The following SLC35F3 variants were observed in gnomAD, a reference collection of about 807,000 sequenced individuals.
SLC35F3 encodes the protein solute carrier family 35 member F3, also known as putative thiamine transporter SLC35F3.
In SLC35F3, 25 loss-of-function variants were observed where a neutral mutation model predicts 49.9. That is an observed-to-expected ratio of 0.50 (90% CI 0.37 to 0.70). SLC35F3 has a LOEUF of 0.70. Among genes scored for constraint, SLC35F3 ranks in the 30% least tolerant of loss-of-function variants. SLC35F3 has a pLI of 0.00. For missense variants in SLC35F3, 525 were observed against 639.8 expected, an observed-to-expected ratio of 0.82 and a Z score of 1.94; for synonymous variants, 275 against 265.4, an observed-to-expected ratio of 1.04 and a Z score of -0.35.
chr1:234,219,107 A>G (rs963450246), intron 2 of SLC35F3, among the ~76,000 whole-genome samples: 3 of 150,314 alleles, frequency 2.0e-5, no homozygotes, highest in African/African-American at 7.4e-5. Context: ...AATATAACTC[A>G]GTGGTTGGGA....
chr1:234,319,699 CTG>C (rs1657570052), intron 6 of SLC35F3, among the ~76,000 whole-genome samples: 1 of 149,862 alleles, frequency 6.7e-6, no homozygotes, highest in Non-Finnish European at 1.5e-5. Flanking sequence ...TAGTGCAAGA[CTG>C]TGCCTCAAAA....
rs1386675157 is a variant in SLC35F3 at position 234,318,838 on chromosome 1, A to G, written c.1042A>G (p.Ile348Val). Residue 348 changes from isoleucine to valine, a missense_variant, in exon 6 of 8, where the codon ATC becomes GTC. By Grantham distance (29) the Ile-to-Val change is conservative. Transcript: ENST00000366618. ...CTTGGGTGTGTTTAACATCCTCTTC[A>G]TCACCTGCATTCCTATTATCCTCTA... ...SILGVFNILF[I>V]TCIPIILYFT... is the part of the protein sequence containing the mutation. 1.2e-6 allele frequency: 2 copies of G among 1,614,036 alleles called. No individual in the cohort carries two copies. The highest frequency in any genetic ancestry group is 1.7e-6 in the Non-Finnish European group (2 of 1,180,016).
chr1:234,207,570 AT>A (rs1384753169), intron 2 of SLC35F3, among the ~76,000 whole-genome samples: 1 of 150,968 alleles, frequency 6.6e-6, no homozygotes, highest in East Asian at 2.0e-4. Flanking sequence ...TATACCCCAA[AT>A]TTTAAAGGCT....
At position 233,969,303 on chromosome 1, in the gene SLC35F3, T is replaced by A. The variant is rs373950406; in HGVS notation, c.283+63545T>A. Among the ~76,000 whole-genome samples, 4 of 152,198 alleles carry A rather than the reference T, an allele frequency of 2.6e-5. No homozygotes were observed. In the East Asian group the frequency reaches 7.7e-4, roughly 29 times the overall value. On this transcript the variant is annotated intron_variant, in intron 2 of 7. Coordinates refer to ENST00000366618, the MANE Select transcript of SLC35F3 (RefSeq NM_173508.4). ...GATTTTCAATGGGCAGAGAGTTCTG[T>A]GCAGTGGCCGCGTGTGCGGTCATGA...
chr1:234,073,811 A>G (rs565510051), intron 2 of SLC35F3, among the ~76,000 whole-genome samples: 1 of 152,252 alleles, frequency 6.6e-6, no homozygotes, highest in African/African-American at 2.4e-5. Flanking sequence ...CCCAGGAAAA[A>G]GTCCCAAGTT....
Position 234,214,427 on chromosome 1 carries a change from G to A in SLC35F3, c.284-16990G>A, listed in dbSNP as rs1040291588. 7 of 1,471,130 alleles carry A rather than the reference G, an allele frequency of 4.8e-6. No individual in the cohort carries two copies. In the African/African-American group the frequency reaches 7.3e-5, roughly 15 times the overall value. 91.1% of individuals were successfully genotyped at this position (1,471,130 alleles called of 1,614,324 possible). On this transcript the variant is annotated intron_variant, in intron 2 of 7. Coordinates refer to ENST00000366618, the MANE Select transcript of SLC35F3 (RefSeq NM_173508.4). The surrounding 1 kb of genome is among the most constrained non-coding windows in gnomAD (Gnocchi z 8.0). ...AGGGCCGCGTCGGCCACGGGCCCGG[G>A]AGAGACGCGCTCCAGCCGGCCCCAG...
chr1:234,066,265 G>A (rs1664615246), intron 2 of SLC35F3, among the ~76,000 whole-genome samples: 1 of 152,104 alleles, frequency 6.6e-6, no homozygotes, highest in South Asian at 2.1e-4. Context: ...AGTCAGGTGA[G>A]GTCCCTCCTC....
chr1:234,216,178 A>G (rs756449090), intron 2 of SLC35F3, among the ~76,000 whole-genome samples: 56 of 152,098 alleles, frequency 3.7e-4, no homozygotes, highest in Non-Finnish European at 5.0e-4. Context: ...AGGATTGGCC[A>G]TTTATTTCTC....
intron 2 of SLC35F3, among the ~76,000 whole-genome samples, chr1:234,190,766 T>C (rs1348950121): frequency 6.6e-6 from 1 of 152,220 alleles, no homozygotes; most frequent in African/African-American, 2.4e-5. Flanking sequence ...AGAATATACA[T>C]TCTATTTCAT....
At chr1:234,034,922 C>T (rs559641068) in intron 2 of SLC35F3, among the ~76,000 whole-genome samples, 4 of 152,064 alleles carry the variant, frequency 2.6e-5, no homozygotes, top group African/African-American at 9.6e-5. Context: ...TTTCTATGAC[C>T]CTATCATAAA....
chr1:234,091,453 C>G (rs959530643), intron 2 of SLC35F3, among the ~76,000 whole-genome samples: 2 of 152,298 alleles, frequency 1.3e-5, no homozygotes, highest in South Asian at 2.1e-4. Flanking sequence ...AGGAGGGGAA[C>G]CCTTGGAGGA....
intron 2 of SLC35F3, among the ~76,000 whole-genome samples, chr1:233,938,542 G>T (rs575217207): frequency 5.3e-5 from 8 of 152,180 alleles, no homozygotes; most frequent in Admixed American, 4.6e-4. Flanking sequence ...ACAACACAAG[G>T]GTCATTATAC....
chr1:233,946,450 C>G (rs530728622), intron 2 of SLC35F3, among the ~76,000 whole-genome samples: 3 of 152,332 alleles, frequency 2.0e-5, no homozygotes, highest in Admixed American at 6.5e-5. Flanking sequence ...AATCCAAGCT[C>G]TCTGTCTTGG....
intron 2 of SLC35F3, among the ~76,000 whole-genome samples, chr1:234,022,859 T>C (rs1663917809): frequency 6.6e-6 from 1 of 152,234 alleles, no homozygotes; most frequent in East Asian, 1.9e-4. Context: ...GAGTTTTCCA[T>C]GCTATGCCAA....
intron 2 of SLC35F3, among the ~76,000 whole-genome samples, chr1:234,151,247 A>G (rs527398693): frequency 6.8e-6 from 1 of 146,032 alleles, no homozygotes; most frequent in South Asian, 2.2e-4. Flanking sequence ...TGCCATTTAC[A>G]TAAACTATCA....
At chr1:234,266,064 A>G (rs973524256) in intron 3 of SLC35F3, among the ~76,000 whole-genome samples, 2 of 152,158 alleles carry the variant, frequency 1.3e-5, no homozygotes, top group Non-Finnish European at 2.9e-5. Context: ...TCTACAAGGC[A>G]TAGGAGCATT....
At chr1:233,933,269 A>G (rs995222152) in intron 2 of SLC35F3, among the ~76,000 whole-genome samples, 7 of 152,076 alleles carry the variant, frequency 4.6e-5, no homozygotes. Flanking sequence ...CCCTATTTAT[A>G]TTTCCATGGT....
chr1:234,280,827 G>T (rs552243390), intron 3 of SLC35F3, among the ~76,000 whole-genome samples: 1 of 152,286 alleles, frequency 6.6e-6, no homozygotes, highest in South Asian at 2.1e-4. Flanking sequence ...TGAACAACTT[G>T]TCATTTGTCA....
At chr1:234,096,206 G>A (rs1283756452) in intron 2 of SLC35F3, among the ~76,000 whole-genome samples, 1 of 152,066 alleles carries the variant, frequency 6.6e-6, no homozygotes, top group East Asian at 1.9e-4. Context: ...GGGTTTTCCT[G>A]TACTCCTTTA....
Sources: gnomAD v4.1 joint callset for allele counts (sites outside exome capture counted in the v4.1 genomes callset) on GRCh38, gnomAD v4.1.1 for gene constraint, Gnocchi (gnomAD v3.1) non-coding constraint, MANE v1.5 for transcripts, NCBI Gene and HGNC (gene_info 2026-07-23, HGNC 2026-07-21) for gene names.